GINS2: variants seen among roughly 807,000 people sequenced by gnomAD.
The protein encoded by GINS2 is DNA replication complex GINS protein PSF2.
GINS2 carries 23 observed loss-of-function variants against 21.2 expected under a neutral mutation model. The observed-to-expected ratio is 1.08, with a 90% CI of 0.78 to 1.53. The LOEUF (loss-of-function observed/expected upper bound fraction) is 1.53. Among genes scored for constraint, GINS2 ranks in the 40% most tolerant of loss-of-function variants. The pLI, the probability that GINS2 is intolerant of heterozygous loss-of-function variation, is 0.00. For missense variants in GINS2, 323 were observed against 233.9 expected (o/e 1.38, Z -2.49); for synonymous variants, 118 against 85.6 (o/e 1.38, Z -2.09).
At chr16:85,688,624 A>G (rs1276906013) in intron 1 of GINS2, among the ~76,000 whole-genome samples, 185 bp downstream of exon 1, 1 of 152,230 alleles carries the variant, frequency 6.6e-6, no homozygotes, top group Non-Finnish European at 1.5e-5. Context: ...GGGCACTGGC[A>G]AAGAGCGCAG....
At position 85,678,278 on chromosome 16, in the gene GINS2, G is replaced by A; in HGVS notation, c.492C>T (p.Leu164=). ...TCGTGCGGAGTTTGTACATGTGGTTGAGCGCTTGTGTGAGGAAAGTCCCGC... is the reference window on the plus strand; with the variant it reads ...TCGTGCGGAGTTTGTACATGTGGTTAAGCGCTTGTGTGAGGAAAGTCCCGC... ...NTSGTFLTQA[L]NHMYKLRTNL... is the part of the protein sequence containing the mutation. The change falls in exon 5 of 5, where the codon CTC becomes CTT. Residue 164 remains leucine, a synonymous_variant. Coordinates refer to ENST00000253462, the MANE Select transcript of GINS2 (RefSeq NM_016095.3). 1 of 1,612,602 alleles carries A rather than the reference G, an allele frequency of 6.2e-7. No individual in the cohort carries two copies. The highest frequency in any genetic ancestry group is 8.5e-7 in the Non-Finnish European group (1 of 1,178,594).
At chr16:85,685,827 T>A (rs565694193) in intron 2 of GINS2, among the ~76,000 whole-genome samples, 82 of 151,982 alleles carry the variant, frequency 5.4e-4, no homozygotes, top group Middle Eastern at 3.4e-3. Flanking sequence ...GCTGGCTCAA[T>A]GAGCTCTTGC....
In GINS2 at chr16:85,676,870, T is replaced by A. The variant is rs35953313; in HGVS notation, c.*1342A>T. On this transcript the variant is annotated 3_prime_UTR_variant, in exon 5 of 5. Coordinates refer to ENST00000253462, the MANE Select transcript of GINS2 (RefSeq NM_016095.3). ...ACCCTGTCTAAAAAAAAAGTTAAAA[T>A]TTTTTTTGTTTGAGACAGAGTCTTG... The A allele has an allele frequency of 0.29, 43,932 of 151,640 alleles. 6,410 individuals carry two copies. The highest frequency in any genetic ancestry group is 0.35 in the Middle Eastern group (103 of 292). 9.4% of individuals were successfully genotyped at this position (151,640 alleles called of 1,614,324 possible).
At chr16:85,679,620 A>AAC (rs768141591) in intron 3 of GINS2, among the ~76,000 whole-genome samples, 3 of 152,350 alleles carry the variant, frequency 2.0e-5, no homozygotes, top group Non-Finnish European at 2.9e-5. Flanking sequence ...TGAACTATAG[A>AAC]ACAAACGTAA....
chr16:85,678,808 G>A (rs976287105), intron 3 of GINS2, 142 bp from the exon 4 acceptor site: 5 of 766,244 alleles, frequency 6.5e-6, no homozygotes, highest in African/African-American at 3.5e-5. Flanking sequence ...ACTTTAGGGT[G>A]TAAAGATTTG....
In GINS2 at chr16:85,682,979, G is replaced by C. The variant is rs566071529; in HGVS notation, c.206-1298C>G. Among the ~76,000 whole-genome samples, 205 of 151,988 alleles carry C rather than the reference G, an allele frequency of 1.3e-3. 2 individuals are homozygous for C. The highest frequency in any genetic ancestry group is 4.6e-3 in the African/African-American group (192 of 41,438). On this transcript the variant is annotated intron_variant, in intron 2 of 4. Coordinates refer to ENST00000253462, the MANE Select transcript of GINS2 (RefSeq NM_016095.3). The stretch of plus-strand genomic sequence containing the variant: ...CCACCCACCTCTCACCTGACACCCA[G>C]CTGAGTGTGACCCACACACCACCCC...
In GINS2 at chr16:85,678,215, G is replaced by T. The variant is rs145377561; in HGVS notation, c.555C>A (p.Phe185Leu). Residue 185 changes from phenylalanine (F) to leucine (L), a missense_variant, in exon 5 of 5, where the codon TTC (phenylalanine) becomes TTA (leucine). Transcript: ENST00000253462. ...GCCGCCTGCACCAGGCCTTTCTCTA[G>T]AAGTCCTGAGACTGAGTACTCTCCA... ...QPLESTQSQD[F>L] The T allele has an allele frequency of 3.0e-4, 485 of 1,612,974 alleles. No homozygotes were observed. The highest frequency in any genetic ancestry group is 4.0e-4 in the Non-Finnish European group (472 of 1,179,754).
chr16:85,681,755 G>C (rs1486709682), intron 2 of GINS2, 74 bp from the exon 3 acceptor site: 1 of 888,936 alleles, frequency 1.1e-6, no homozygotes, highest in African/African-American at 1.7e-5. Flanking sequence ...AATTTACCAA[G>C]TGCCTATATT....
At chr16:85,679,975 G>C (rs936259343) in intron 3 of GINS2, among the ~76,000 whole-genome samples, 1 of 152,108 alleles carries the variant, frequency 6.6e-6, no homozygotes, top group Non-Finnish European at 1.5e-5. Context: ...GAGCATATCA[G>C]TTCCTGCCTC....
In GINS2 at chr16:85,678,223, G is replaced by A; in HGVS notation, c.547C>T (p.Gln183Ter). The A allele has an allele frequency of 6.2e-7, 1 of 1,613,492 alleles. No individual in the cohort carries two copies. The highest frequency in any genetic ancestry group is 8.5e-7 in the Non-Finnish European group (1 of 1,179,914). ...CACCAGGCCTTTCTCTAGAAGTCCT[G>A]AGACTGAGTACTCTCCAGAGGCTGG... The part of the protein sequence containing the change: ...NLQPLESTQS[Q>*]DF The change falls in exon 5 of 5, where the codon CAG (glutamine) becomes TAG (stop). Residue 183 changes from glutamine (Q) to a stop codon, truncating the protein, a stop_gained. Transcript: ENST00000253462. LOFTEE classifies it high-confidence loss of function.
chr16:85,685,988 C>G (rs2053773785), intron 2 of GINS2, among the ~76,000 whole-genome samples: 1 of 149,092 alleles, frequency 6.7e-6, no homozygotes, highest in Non-Finnish European at 1.5e-5. Context: ...CCTCTCCTCA[C>G]CAACACACAC....
In GINS2 at chr16:85,678,186, G is replaced by A; in HGVS notation, c.*26C>T. 6.2e-7 allele frequency: 1 copy of A among 1,609,514 alleles called. No homozygotes were observed. ...ACGTCCTGAGCGCTCACATCCCCCA[G>A]CAAGCCGCCTGCACCAGGCCTTTCT... is the stretch of plus-strand genomic sequence containing the variant. On this transcript the variant is annotated 3_prime_UTR_variant, in exon 5 of 5. Coordinates refer to ENST00000253462, the MANE Select transcript of GINS2 (RefSeq NM_016095.3).
At chr16:85,680,902 T>C (rs1272490421) in intron 3 of GINS2, among the ~76,000 whole-genome samples, 1 of 152,214 alleles carries the variant, frequency 6.6e-6, no homozygotes, top group Admixed American at 6.5e-5. Context: ...TGTACACTGC[T>C]TGAACACCAC....
At chr16:85,678,420 A>T in intron 4 of GINS2, 83 bp from the exon 5 acceptor site, 1 of 1,560,482 alleles carries the variant, frequency 6.4e-7, no homozygotes, top group African/African-American at 1.4e-5. Context: ...AAAATAAGAA[A>T]CCAATGAACT....
At chr16:85,687,895 G>A in intron 1 of GINS2, 1 of 200,890 alleles carries the variant, frequency 5.0e-6, no homozygotes, top group Non-Finnish European at 1.0e-5. Flanking sequence ...GGGGTCCTGG[G>A]GTGCGGGGAG....
At chr16:85,681,510 G>A in intron 3 of GINS2, 72 bp downstream of exon 3, 1 of 879,586 alleles carries the variant, frequency 1.1e-6, no homozygotes, top group Non-Finnish European at 1.9e-6. Context: ...CGGAGAGGAA[G>A]GACGAGGGTT....
intron 2 of GINS2, among the ~76,000 whole-genome samples, chr16:85,685,049 A>G (rs551210737): frequency 6.6e-6 from 1 of 152,202 alleles, no homozygotes; most frequent in East Asian, 1.9e-4. Context: ...TCGGCCTCCC[A>G]AAGTGCTGGG....
chr16:85,685,685 A>AAAAAAAC lies in GINS2; in HGVS notation c.205+1768_205+1774dup, dbSNP rs1555579591. 1.6e-4 allele frequency among the ~76,000 whole-genome samples: 19 copies of AAAAAAAC among 121,006 alleles called. 2 individuals carry two copies. The highest frequency in any genetic ancestry group is 2.3e-4 in the East Asian group (1 of 4,314). 79.4% of individuals were successfully genotyped at this position (121,006 alleles called of 152,430 possible). The stretch of plus-strand genomic sequence containing the variant: ...GACCCTTTCTCAAAAAAAAAAAAAA[A>AAAAAAAC]AAAAAACCGTCTCAAAGCAGAGGAA... On this transcript the variant is annotated intron_variant, in intron 2 of 4. Transcript: ENST00000253462.
intron 2 of GINS2, among the ~76,000 whole-genome samples, chr16:85,685,416 C>G (rs1249173572): frequency 6.6e-6 from 1 of 151,896 alleles, no homozygotes; most frequent in Non-Finnish European, 1.5e-5. Context: ...CAGCTCACAT[C>G]TGTAATCCCA....
Sources: gnomAD v4.1 joint callset for allele counts (sites outside exome capture counted in the v4.1 genomes callset) on GRCh38, gnomAD v4.1.1 for gene constraint, MANE v1.5 for transcripts, NCBI Gene and HGNC (gene_info 2026-07-23, HGNC 2026-07-21) for gene names.